Variants in HNF4A observed in about 807,000 individuals in gnomAD.
HNF4A encodes hepatocyte nuclear factor 4 alpha, also known as hepatocyte nuclear factor 4-alpha.
HNF4A carries 15 observed loss-of-function variants against 52.4 expected under a neutral mutation model. The observed-to-expected ratio is 0.29, with a 90% confidence interval of 0.19 to 0.44. The LOEUF is 0.44. Ranked by LOEUF, HNF4A falls within the 20% of genes least tolerant of loss-of-function variation. HNF4A has a pLI of 1.00. For synonymous variants in HNF4A, 280 were observed against 264.4 expected, an observed-to-expected ratio of 1.06 and a Z score of -0.57; for missense variants, 479 against 647.2, an observed-to-expected ratio of 0.74 and a Z score of 2.82.
At chr20:44,379,133 C>T (rs2063121598) in intron 1 of HNF4A, among the ~76,000 whole-genome samples, 1 of 151,994 alleles carries the variant, frequency 6.6e-6, no homozygotes. Context: ...AATTTCCATC[C>T]TTTTTAAGGC....
At chr20:44,389,181 G>A (rs986693261) in intron 1 of HNF4A, among the ~76,000 whole-genome samples, 2 of 152,212 alleles carry the variant, frequency 1.3e-5, no homozygotes, top group Non-Finnish European at 2.9e-5. Context: ...ACTAGCTCAG[G>A]GGATCGTCCT....
At chr20:44,367,032 C>G (rs980666438) in intron 1 of HNF4A, among the ~76,000 whole-genome samples, 1 of 152,158 alleles carries the variant, frequency 6.6e-6, no homozygotes, top group East Asian at 1.9e-4. Context: ...CTACTCTAAG[C>G]ACTTTATAAA....
intron 3 of HNF4A, among the ~76,000 whole-genome samples, chr20:44,412,586 G>A (rs1008484522): frequency 1.3e-5 from 2 of 152,156 alleles, no homozygotes; most frequent in African/African-American, 4.8e-5. Flanking sequence ...CTGGTTTTGA[G>A]CAGCAGGCGA....
intron 6 of HNF4A, among the ~76,000 whole-genome samples, chr20:44,419,206 G>A (rs1247291811): frequency 6.6e-6 from 1 of 152,230 alleles, no homozygotes; most frequent in East Asian, 1.9e-4. Flanking sequence ...AGCACACACT[G>A]TGTGCCAGGG....
In HNF4A at chr20:44,390,487, A is replaced by C. The variant is rs527367304; in HGVS notation, c.50-15571A>C. On this transcript the variant is annotated intron_variant, in intron 1 of 9. Transcript: ENST00000316673. ...GCAGTTTCCATGGAGACCGCCTCCC[A>C]CCATCCCTGAAATCTCATTGTGACC... The C allele has an allele frequency of 2.0e-5, 12 of 610,290 alleles. No homozygotes were observed. The South Asian group carries it at 2.3e-4, about 12-fold the overall frequency. 37.8% of individuals were successfully genotyped at this position (610,290 alleles called of 1,614,324 possible).
intron 1 of HNF4A, among the ~76,000 whole-genome samples, chr20:44,402,162 C>T (rs1419406384): frequency 6.6e-6 from 1 of 151,914 alleles, no homozygotes; most frequent in Non-Finnish European, 1.5e-5. Context: ...AGTTCTGGGT[C>T]TATTTTCCTT....
At chr20:44,404,477 TG>T (rs1340514246) in intron 1 of HNF4A, among the ~76,000 whole-genome samples, 3 of 152,022 alleles carry the variant, frequency 2.0e-5, no homozygotes, top group African/African-American at 7.2e-5. Flanking sequence ...TACACGTGTG[TG>T]TGTGTGTGTC....
chr20:44,402,372 A>G (rs958378274), intron 1 of HNF4A, among the ~76,000 whole-genome samples: 1 of 151,882 alleles, frequency 6.6e-6, no homozygotes, highest in Non-Finnish European at 1.5e-5. Flanking sequence ...TTTATCCTGT[A>G]TGGGCGTTTT....
rs535844572 is a variant in HNF4A at position 44,370,908 on chromosome 20, C to T, written c.49+15055C>T. On this transcript the variant is annotated intron_variant, in intron 1 of 9. Coordinates refer to the HNF4A transcript ENST00000316673. ...TGAGCCTGGGCCGCCAAACTGCCAA[C>T]GCCTCTGTATTCTCTGGGACAAGCA... is the stretch of plus-strand genomic sequence containing the variant. Among the ~76,000 whole-genome samples, 42 of 152,314 alleles carry T rather than the reference C, an allele frequency of 2.8e-4. 1 individual carries two copies. Among genetic ancestry groups the T allele is most frequent in the African/African-American group, 9.4e-4 (39 of 41,574 alleles).
chr20:44,374,737 T>G (rs968764608), intron 1 of HNF4A, among the ~76,000 whole-genome samples: 2 of 152,244 alleles, frequency 1.3e-5, no homozygotes, highest in African/African-American at 4.8e-5. Context: ...GTGCTAGGAT[T>G]ACAGGCGTGA....
intron 2 of HNF4A, among the ~76,000 whole-genome samples, chr20:44,406,665 A>G (rs1161446117): frequency 1.3e-5 from 2 of 152,166 alleles, no homozygotes; most frequent in Non-Finnish European, 2.9e-5. Flanking sequence ...AAGTCTTCCC[A>G]AGGCCTTGGA....
chr20:44,372,584 C>T (rs1168752903), intron 1 of HNF4A, among the ~76,000 whole-genome samples: 11 of 152,196 alleles, frequency 7.2e-5, no homozygotes, highest in African/African-American at 2.7e-4. Context: ...AAGCTAAATA[C>T]ACATCCATTC....
chr20:44,384,143 G>A (rs1461363964), intron 1 of HNF4A, among the ~76,000 whole-genome samples: 1 of 136,158 alleles, frequency 7.3e-6, no homozygotes, highest in Non-Finnish European at 1.6e-5. Flanking sequence ...GAGCCATCAC[G>A]CCTGGCCCCT....
At chr20:44,414,259 G>C (rs1411772334) in intron 4 of HNF4A, among the ~76,000 whole-genome samples, 1 of 152,196 alleles carries the variant, frequency 6.6e-6, no homozygotes, top group Non-Finnish European at 1.5e-5. Context: ...GACTCCTTGG[G>C]GCTCTAAAGC....
intron 1 of HNF4A, among the ~76,000 whole-genome samples, chr20:44,359,020 C>G (rs1312390173): frequency 1.3e-5 from 2 of 152,130 alleles, no homozygotes; most frequent in Admixed American, 1.3e-4. Flanking sequence ...CAGATAGTTG[C>G]TGGTGTGAAT....
At chr20:44,424,416 G>A in intron 8 of HNF4A, 162 bp downstream of exon 8, 1 of 1,269,528 alleles carries the variant, frequency 7.9e-7, no homozygotes. Flanking sequence ...AGAAAAATGG[G>A]AACAAGGCAA....
upstream of HNF4A, among the ~76,000 whole-genome samples, chr20:44,396,453 G>A (rs772037486): frequency 2.0e-4 from 30 of 152,104 alleles, no homozygotes; most frequent in Non-Finnish European, 3.8e-4. Context: ...GGTTGCCCAG[G>A]GCAATCCCTT....
chr20:44,404,123 TC>T (rs1209238778), intron 1 of HNF4A, among the ~76,000 whole-genome samples: 1 of 152,210 alleles, frequency 6.6e-6, no homozygotes, highest in Non-Finnish European at 1.5e-5. Flanking sequence ...CTGGAAGTCC[TC>T]TGCTCCGAGA....
At chr20:44,424,338 T>C in intron 8 of HNF4A, 84 bp downstream of exon 8, 1 of 1,574,300 alleles carries the variant, frequency 6.4e-7, no homozygotes, top group Non-Finnish European at 8.6e-7. Context: ...ACCCCTCAGC[T>C]CCTTGGCTTC....
Sources: gnomAD v4.1 joint callset for allele counts (sites outside exome capture counted in the v4.1 genomes callset) on GRCh38, gnomAD v4.1.1 for gene constraint, MANE v1.5 for transcripts, NCBI Gene and HGNC (gene_info 2026-07-23, HGNC 2026-07-21) for gene names.